ZNF280C: variants seen among roughly 807,000 people sequenced by gnomAD.
ZNF280C encodes suppressor of hairy wing homolog 3.
In ZNF280C, 14 loss-of-function variants were observed where a neutral mutation model predicts 53.6. The observed-to-expected ratio is 0.26, with a 90% CI of 0.17 to 0.41. The LOEUF is 0.41. Ranked by LOEUF, ZNF280C falls within the 10% of genes least tolerant of loss-of-function variation. The pLI is 1.00. For missense variants in ZNF280C, 416 were observed against 547.1 expected (o/e 0.76, Z 2.39); for synonymous variants, 203 against 181.1 (o/e 1.12, Z -0.97).
intron 3 of ZNF280C, among the ~76,000 whole-genome samples, chrX:130,244,777 TAA>T (rs58124928): frequency 1.2e-3 from 76 of 65,409 alleles, no homozygotes; most frequent in Middle Eastern, 0.018. Flanking sequence ...GACTCCATCT[TAA>T]AAAAAAAAAA....
chrX:130,267,615 T>C (rs1364697298), intron 1 of ZNF280C, among the ~76,000 whole-genome samples: 2 of 112,073 alleles, frequency 1.8e-5, no homozygotes, highest in African/African-American at 6.5e-5. Context: ...TAATGGAATC[T>C]GTACTGCTGT....
intron 2 of ZNF280C, 79 bp downstream of exon 2, chrX:130,260,340 T>G: frequency 1.3e-6 from 1 of 790,370 alleles, no homozygotes; most frequent in Non-Finnish European, 1.8e-6. Context: ...TGCCCACTTC[T>G]GTCTCTAATC....
intron 2 of ZNF280C, among the ~76,000 whole-genome samples, chrX:130,258,847 T>C (rs2032601263): frequency 1.8e-5 from 2 of 111,860 alleles, no homozygotes; most frequent in Non-Finnish European, 3.8e-5. Flanking sequence ...ATAGTTCAAA[T>C]CCTCACTGCA....
chrX:130,243,315 T>C (rs752868908), intron 5 of ZNF280C, among the ~76,000 whole-genome samples: 1 of 111,574 alleles, frequency 9.0e-6, no homozygotes, highest in Non-Finnish European at 1.9e-5. Context: ...CCCGAGTAGC[T>C]GGGACTACAG....
chrX:130,207,588 C>T (rs778999657), intron 16 of ZNF280C, among the ~76,000 whole-genome samples: 1 of 110,985 alleles, frequency 9.0e-6, no homozygotes, highest in Non-Finnish European at 1.9e-5. Context: ...TCTTAAACTC[C>T]TGACCTCAGG....
intron 8 of ZNF280C, among the ~76,000 whole-genome samples, chrX:130,233,982 T>A (rs1281494712): frequency 5.6e-5 from 6 of 106,575 alleles, no homozygotes; most frequent in East Asian, 2.9e-4. Flanking sequence ...AGACTTTTTT[T>A]AAAAAAAAAA....
intron 1 of ZNF280C, among the ~76,000 whole-genome samples, chrX:130,263,209 GA>G (rs1352605668): frequency 8.9e-6 from 1 of 112,236 alleles, no homozygotes; most frequent in Non-Finnish European, 1.9e-5. Context: ...TACACTCCTA[GA>G]GACAGACAAT....
At chrX:130,262,177 T>C (rs1272466891) in intron 1 of ZNF280C, among the ~76,000 whole-genome samples, 3 of 111,502 alleles carry the variant, frequency 2.7e-5, no homozygotes, top group Admixed American at 9.6e-5. Flanking sequence ...CAGAAATCTT[T>C]AGATGCCATT....
At chrX:130,215,721 GT>G (rs2032093679) in intron 14 of ZNF280C, 69 bp downstream of exon 14, 2 of 989,648 alleles carry the variant, frequency 2.0e-6, no homozygotes, top group African/African-American at 3.9e-5. Flanking sequence ...GTGTAAGAGG[GT>G]TTTATGATAT....
chrX:130,255,392 G>A (rs1392429524), intron 2 of ZNF280C, among the ~76,000 whole-genome samples: 3 of 104,707 alleles, frequency 2.9e-5, no homozygotes, highest in African/African-American at 6.9e-5. Flanking sequence ...CGCCCGCCTC[G>A]GCCTCCCAAA....
intron 5 of ZNF280C, 89 bp from the exon 6 acceptor site, chrX:130,239,782 C>A (rs1485897850): frequency 4.1e-6 from 2 of 486,978 alleles, no homozygotes; most frequent in Non-Finnish European, 3.4e-6. Flanking sequence ...CTTAATAACT[C>A]AATTACTAAT....
In ZNF280C at chrX:130,251,282, C is replaced by CAAAAAAAAAAAAAAAAAAA. The variant is rs61571389; in HGVS notation, c.32-4296_32-4278dup. On this transcript the variant is annotated intron_variant, in intron 2 of 18. Coordinates refer to ENST00000370978, the MANE Select transcript of ZNF280C (RefSeq NM_017666.5). ...AGGCAAACGCAGTAAGGACCTGTCT[C>CAAAAAAAAAAAAAAAAAAA]AAAAAAAAAAAAAAAAAAAAAAAAA... Among the ~76,000 whole-genome samples the CAAAAAAAAAAAAAAAAAAA allele has an allele frequency of 1.1e-3, 17 of 15,337 alleles. 3 individuals are homozygous for CAAAAAAAAAAAAAAAAAAA. Among genetic ancestry groups the CAAAAAAAAAAAAAAAAAAA allele is most frequent in the Non-Finnish European group, 1.4e-3 (14 of 10,115 alleles). 13.3% of individuals were successfully genotyped at this position (15,337 alleles called of 115,157 possible).
rs200100871 is a variant in ZNF280C, at chrX:130,204,760, G to GA, written c.*216dup. 2 of 306,032 alleles carry GA rather than the reference G, an allele frequency of 6.5e-6. No individual in the cohort carries two copies. Among genetic ancestry groups the GA allele is most frequent in the Non-Finnish European group, 1.1e-5 (2 of 175,591 alleles). The allele number at this position is 306,032 out of a possible 1,213,427, so 25.2% of individuals were successfully genotyped here. A position where few individuals can be genotyped will look rare whatever the true frequency, so the allele number is the denominator to read the frequency against. On this transcript the variant is annotated 3_prime_UTR_variant, in exon 19 of 19. Transcript: ENST00000370978. ...GCATTTTTGGAGAGAGCCAACTGGA[G>GA]AAAAAAATATGTTAAGATATGTTAA...
intron 15 of ZNF280C, among the ~76,000 whole-genome samples, chrX:130,212,282 C>T (rs951515781): frequency 9.0e-6 from 1 of 111,523 alleles, no homozygotes; most frequent in Non-Finnish European, 1.9e-5. Flanking sequence ...CAGGGAAACT[C>T]GGCTTTGAAA....
chrX:130,225,188 CATCTAT>C (rs967163378), intron 12 of ZNF280C, among the ~76,000 whole-genome samples: 1 of 111,066 alleles, frequency 9.0e-6, no homozygotes, highest in African/African-American at 3.3e-5. Flanking sequence ...TTCAAATCTA[CATCTAT>C]ATCACTCTGG....
intron 14 of ZNF280C, 64 bp from the exon 15 acceptor site, chrX:130,215,397 T>C (rs1188359996): frequency 2.0e-6 from 2 of 1,023,602 alleles, no homozygotes; most frequent in Non-Finnish European, 2.6e-6. Flanking sequence ...GGGAAAATCT[T>C]ATTAACATTT....
At position 130,205,162 on chromosome X, in the gene ZNF280C, A is replaced by T; in HGVS notation, c.2162-9T>A. 2.5e-6 allele frequency: 3 copies of T among 1,198,956 alleles called. No homozygotes were observed. In the East Asian group the frequency reaches 8.9e-5, roughly 36 times the overall value. On this transcript the variant is annotated splice_polypyrimidine_tract_variant and intron_variant, in intron 17 of 18. Coordinates refer to ENST00000370978, the MANE Select transcript of ZNF280C (RefSeq NM_017666.5). The stretch of plus-strand genomic sequence containing the variant: ...TGAGGTACTTTTGGAAACTGAAATC[A>T]AAAGAGTTTTACATTTACAATAGCA...
chrX:130,252,930 A>T (rs1467139131), intron 2 of ZNF280C, among the ~76,000 whole-genome samples: 1 of 111,563 alleles, frequency 9.0e-6, no homozygotes, highest in Non-Finnish European at 1.9e-5. Context: ...ATCAGGCAAG[A>T]GAAAGAAATA....
At chrX:130,205,966 T>G (rs2031969241) in intron 16 of ZNF280C, among the ~76,000 whole-genome samples, 1 of 111,713 alleles carries the variant, frequency 9.0e-6, no homozygotes, top group Admixed American at 9.5e-5. Context: ...ACCTCTCAAC[T>G]TGTTGCTGAA....
Sources: allele counts gnomAD v4.1 joint callset (sites outside exome capture counted in the v4.1 genomes callset), GRCh38; gene constraint gnomAD v4.1.1; transcripts MANE v1.5; gene names NCBI Gene and HGNC (gene_info 2026-07-23, HGNC 2026-07-21).